The following CECR2 variants were observed in gnomAD, a reference collection of about 807,000 sequenced individuals.
The protein encoded by CECR2 is chromatin remodeling regulator CECR2.
In CECR2, 30 loss-of-function variants were observed where a neutral mutation model predicts 154.5. The ratio of observed to expected loss-of-function variants is 0.19; its 90% CI spans 0.15 to 0.26. The LOEUF is 0.26. CECR2 is among the 10% of genes least tolerant of loss of function. The pLI, the probability that CECR2 is intolerant of heterozygous loss-of-function variation, is 1.00. For missense variants in CECR2, 1,743 were observed against 1,829.3 expected, an observed-to-expected ratio of 0.95 and a Z score of 0.86; for synonymous variants, 725 against 683.7, an observed-to-expected ratio of 1.06 and a Z score of -0.94.
intron 1 of CECR2, among the ~76,000 whole-genome samples, chr22:17,474,059 G>A (rs1291066285): frequency 2.0e-5 from 3 of 151,992 alleles, no homozygotes; most frequent in Non-Finnish European, 4.4e-5. Context: ...AACTGGGGGG[G>A]GTTTATAGTT....
At chr22:17,518,346 G>A (rs1159252561) in intron 8 of CECR2, among the ~76,000 whole-genome samples, 2 of 152,162 alleles carry the variant, frequency 1.3e-5, no homozygotes, top group African/African-American at 2.4e-5. Flanking sequence ...AGATGTTAGC[G>A]TTTGGGAGTC....
chr22:17,385,281 C>T (rs1376032537), intron 1 of CECR2, among the ~76,000 whole-genome samples: 1 of 152,188 alleles, frequency 6.6e-6, no homozygotes, highest in African/African-American at 2.4e-5. Flanking sequence ...CTCAAGAGGC[C>T]TAGCTTTTGG....
Position 17,427,025 on chromosome 22 carries a change from G to A in CECR2, c.127-50563G>A, listed in dbSNP as rs1000014133. On this transcript the variant is annotated intron_variant, in intron 1 of 18. Transcript: ENST00000262608. The stretch of plus-strand genomic sequence containing the variant: ...TTCCTCCCCCAGCCCCCCACCCCAC[G>A]ACAGGCCCTGGTGTGTGATGTTCCC... Among the ~76,000 whole-genome samples the A allele has an allele frequency of 2.9e-5, 4 of 138,692 alleles. No individual in the cohort carries two copies. In the South Asian group the frequency reaches 7.8e-4, roughly 27 times the overall value. The allele number at this position is 138,692 out of a possible 152,430, so 91.0% of individuals were successfully genotyped here.
rs1276153178 is a variant in CECR2, at chr22:17,369,774, C to T, written c.-10C>T. 1 of 150,760 alleles carries T rather than the reference C, an allele frequency of 6.6e-6. No homozygotes were observed. The highest frequency in any genetic ancestry group is 1.5e-5 in the Non-Finnish European group (1 of 67,598). The allele number at this position is 150,760 out of a possible 1,614,324, so 9.3% of individuals were successfully genotyped here. On this transcript the variant is annotated 5_prime_UTR_variant, in exon 1 of 19. Transcript: ENST00000262608. ...CAGCGAGGGGCCGCCGCCTGTGCCG[C>T]AGCGGGGAGATGTGCCCAGAGGAGG...
At chr22:17,529,344 A>G (rs763769518) in intron 9 of CECR2, among the ~76,000 whole-genome samples, 3 of 152,074 alleles carry the variant, frequency 2.0e-5, no homozygotes, top group Non-Finnish European at 4.4e-5. Flanking sequence ...CTGGCTGGGC[A>G]TGAATTGAGT....
At chr22:17,470,653 T>G (rs59829521) in intron 1 of CECR2, among the ~76,000 whole-genome samples, 1,526 of 149,184 alleles carry the variant, frequency 0.01, 38 homozygotes, top group African/African-American at 0.037. Context: ...AAAATTTTCC[T>G]TGTCCGTTTT....
chr22:17,499,069 G>A (rs950339632), intron 3 of CECR2, among the ~76,000 whole-genome samples: 2 of 151,734 alleles, frequency 1.3e-5, no homozygotes, highest in Admixed American at 1.3e-4. Flanking sequence ...GGCTCACTGC[G>A]ACCTCCACCT....
chr22:17,370,320 G>GT (rs1491200053), intron 1 of CECR2, among the ~76,000 whole-genome samples: 5 of 111,624 alleles, frequency 4.5e-5, no homozygotes, highest in African/African-American at 2.6e-4. Flanking sequence ...GGCCGGGCGC[G>GT]GGGGGGGGGC....
intron 1 of CECR2, among the ~76,000 whole-genome samples, chr22:17,360,310 A>G (rs2062969739): frequency 6.6e-6 from 1 of 152,238 alleles, no homozygotes; most frequent in African/African-American, 2.4e-5. Flanking sequence ...GGACACAGCA[A>G]GCTATGATTG....
At chr22:17,535,701 AGTTG>A (rs1469031201) in intron 9 of CECR2, among the ~76,000 whole-genome samples, 2 of 150,988 alleles carry the variant, frequency 1.3e-5, no homozygotes, top group Non-Finnish European at 3.0e-5. Context: ...AAAAAAAAAT[AGTTG>A]GTTTAGAGAA....
chr22:17,394,197 CT>C (rs71200271), intron 1 of CECR2, among the ~76,000 whole-genome samples: 6,165 of 96,832 alleles, frequency 0.064, 1,073 homozygotes, highest in African/African-American at 0.13. Flanking sequence ...GCTGCCGCTG[CT>C]TTTTTTTTTT....
chr22:17,552,256 A>C, intron 18 of CECR2, 114 bp downstream of exon 18: 1 of 915,714 alleles, frequency 1.1e-6, no homozygotes, highest in East Asian at 2.6e-5. Flanking sequence ...GGATACAGGA[A>C]CTTTGCCTGT....
At chr22:17,361,418 G>A (rs1351567482) in intron 1 of CECR2, among the ~76,000 whole-genome samples, 8 of 151,340 alleles carry the variant, frequency 5.3e-5, no homozygotes, top group East Asian at 1.9e-4. Context: ...CCCTGGAGGC[G>A]GACGTTGCAG....
chr22:17,421,654 A>T (rs1190959225), intron 1 of CECR2, among the ~76,000 whole-genome samples: 1 of 129,518 alleles, frequency 7.7e-6, no homozygotes, highest in Admixed American at 8.0e-5. Context: ...TTAGCCAGGC[A>T]TGGTGGCAGG....
At chr22:17,491,590 TG>T (rs2055533424) in intron 2 of CECR2, among the ~76,000 whole-genome samples, 1 of 60,952 alleles carries the variant, frequency 1.6e-5, no homozygotes, top group Non-Finnish European at 4.0e-5. Flanking sequence ...TGTGGGGGGG[TG>T]GGTGTTTAGC....
At chr22:17,423,985 A>G (rs1226749378) in intron 1 of CECR2, among the ~76,000 whole-genome samples, 2 of 151,912 alleles carry the variant, frequency 1.3e-5, no homozygotes, top group Non-Finnish European at 2.9e-5. Context: ...CCACCTTAAT[A>G]TTTTCCATTC....
At chr22:17,426,636 C>T (rs937988272) in intron 1 of CECR2, among the ~76,000 whole-genome samples, 1 of 152,236 alleles carries the variant, frequency 6.6e-6, no homozygotes, top group African/African-American at 2.4e-5. Context: ...GGATTACAGG[C>T]GTGAGCCACT....
At chr22:17,552,590 C>G (rs552756448) in intron 18 of CECR2, among the ~76,000 whole-genome samples, 13 of 152,146 alleles carry the variant, frequency 8.5e-5, no homozygotes, top group African/African-American at 2.9e-4. Flanking sequence ...AAGTAGTTCT[C>G]ATTGGCTGCA....
chr22:17,506,747 G>A (rs896937058), intron 7 of CECR2, among the ~76,000 whole-genome samples: 17 of 152,226 alleles, frequency 1.1e-4, no homozygotes, highest in Middle Eastern at 3.4e-3. Flanking sequence ...TCCACCTCCT[G>A]GGTTCAAGCG....
Sources: gnomAD v4.1 joint callset for allele counts (sites outside exome capture counted in the v4.1 genomes callset) on GRCh38, gnomAD v4.1.1 for gene constraint, MANE v1.5 for transcripts, NCBI Gene and HGNC (gene_info 2026-07-23, HGNC 2026-07-21) for gene names.